The following DLG2 variants were observed in gnomAD, a reference collection of about 807,000 sequenced individuals.
DLG2 encodes the protein disks large homolog 2.
Under a neutral mutation model 132.5 loss-of-function variants are expected in DLG2, and 45 were observed. The observed-to-expected ratio is 0.34, with a 90% CI of 0.27 to 0.44. The LOEUF (loss-of-function observed/expected upper bound fraction) is 0.44. DLG2 is among the 20% of genes least tolerant of loss of function. The pLI is 1.00. For missense variants in DLG2, 1,045 were observed against 1,196.9 expected, an observed-to-expected ratio of 0.87 and a Z score of 1.87; for synonymous variants, 424 against 419.6, an observed-to-expected ratio of 1.01 and a Z score of -0.13.
chr11:83,617,187 A>T lies in DLG2; in HGVS notation c.1940+16024T>A, dbSNP rs149508856. Among the ~76,000 whole-genome samples, 464 of 152,334 alleles carry T rather than the reference A, an allele frequency of 3.0e-3. 7 individuals are homozygous for T. The highest frequency in any genetic ancestry group is 0.011 in the African/African-American group (442 of 41,576). ...CTATCACCATCACCAACAAATAAATAAAAAATATCTTCTGAGATGTTGATA... is the reference window on the plus strand; with the variant it reads ...CTATCACCATCACCAACAAATAAATTAAAAATATCTTCTGAGATGTTGATA... On this transcript the variant is annotated intron_variant, in intron 19 of 27. Coordinates refer to ENST00000376104, the MANE Select transcript of DLG2 (RefSeq NM_001142699.3).
intron 7 of DLG2, among the ~76,000 whole-genome samples, chr11:84,346,916 A>G (rs2098541864): frequency 6.6e-6 from 1 of 152,082 alleles, no homozygotes; most frequent in Non-Finnish European, 1.5e-5. Flanking sequence ...AGTATGTTGC[A>G]TTATGAAATG....
intron 19 of DLG2, among the ~76,000 whole-genome samples, chr11:83,611,764 G>A (rs1483392997): frequency 2.0e-5 from 3 of 152,212 alleles, no homozygotes; most frequent in African/African-American, 7.2e-5. Context: ...AGCAGTAAGG[G>A]ACTGATACTG....
intron 6 of DLG2, among the ~76,000 whole-genome samples, chr11:84,910,231 A>C (rs2091931111): frequency 6.6e-6 from 1 of 152,204 alleles, no homozygotes; most frequent in African/African-American, 2.4e-5. Flanking sequence ...TCATTTCTGC[A>C]AAACTATCTT....
chr11:84,542,437 G>C (rs774358581), intron 6 of DLG2, among the ~76,000 whole-genome samples: 2 of 152,146 alleles, frequency 1.3e-5, no homozygotes, highest in Non-Finnish European at 2.9e-5. Context: ...TCTGTGTCAA[G>C]TTTTATCTGT....
intron 3 of DLG2, among the ~76,000 whole-genome samples, chr11:85,386,914 G>A (rs3018571): frequency 2.1e-5 from 3 of 141,526 alleles, no homozygotes; most frequent in African/African-American, 7.8e-5. Context: ...TTTTTTTTTA[G>A]ATGGAGTTTT....
At chr11:84,824,967 T>C (rs1313411327) in intron 6 of DLG2, among the ~76,000 whole-genome samples, 1 of 151,926 alleles carries the variant, frequency 6.6e-6, no homozygotes, top group Non-Finnish European at 1.5e-5. Context: ...TTGTGGGCTC[T>C]TGACATTTGG....
At chr11:85,208,091 T>C (rs1473606895) in intron 4 of DLG2, among the ~76,000 whole-genome samples, 1 of 152,086 alleles carries the variant, frequency 6.6e-6, no homozygotes, top group Non-Finnish European at 1.5e-5. Context: ...TTATAGAACT[T>C]ACCCAGTTTT....
chr11:83,882,969 G>A (rs1038737317), intron 15 of DLG2, among the ~76,000 whole-genome samples: 1 of 152,122 alleles, frequency 6.6e-6, no homozygotes, highest in Non-Finnish European at 1.5e-5. Context: ...TCTCCATCCT[G>A]TGCCACTGCG....
intron 8 of DLG2, among the ~76,000 whole-genome samples, chr11:84,197,149 G>A (rs1298931199): frequency 6.6e-6 from 1 of 151,224 alleles, no homozygotes; most frequent in South Asian, 2.1e-4. Context: ...CATATGTTGA[G>A]TATTTTTATA....
rs536702363 is a variant in DLG2, at chr11:83,653,891, A to AT, written c.1826-20567dup. On this transcript the variant is annotated intron_variant, in intron 18 of 27. Transcript: ENST00000376104. ...GCATGCACCACCACACCTAGCTAAT[A>AT]TTTTTTTTAGTAGAGATGGGGTTTC... Among the ~76,000 whole-genome samples the AT allele has an allele frequency of 1.0e-3, 155 of 151,524 alleles. 1 individual carries two copies. Among genetic ancestry groups the AT allele is most frequent in the South Asian group, 8.3e-3 (40 of 4,794 alleles).
intron 6 of DLG2, among the ~76,000 whole-genome samples, chr11:84,754,793 G>A (rs1414176873): frequency 6.6e-6 from 1 of 152,144 alleles, no homozygotes; most frequent in Non-Finnish European, 1.5e-5. Context: ...GGACTTAGGT[G>A]ATTATGATGT....
chr11:83,892,758 A>G (rs1173663214), intron 15 of DLG2, among the ~76,000 whole-genome samples: 2 of 151,984 alleles, frequency 1.3e-5, no homozygotes, highest in East Asian at 3.8e-4. Context: ...TTAAGTTAAT[A>G]GAAGATTCAG....
At chr11:84,172,061 G>A (rs2095837197) in intron 8 of DLG2, among the ~76,000 whole-genome samples, 2 of 152,148 alleles carry the variant, frequency 1.3e-5, no homozygotes, top group African/African-American at 2.4e-5. Context: ...CTTACAAGCT[G>A]TTAGAATTCA....
At chr11:83,488,979 C>G (rs1239092972) in intron 21 of DLG2, among the ~76,000 whole-genome samples, 2 of 151,904 alleles carry the variant, frequency 1.3e-5, no homozygotes, top group Non-Finnish European at 2.9e-5. Flanking sequence ...AGAAATGTGT[C>G]TATGTGAATG....
chr11:84,761,975 C>T (rs534676928), intron 6 of DLG2: 1 of 152,068 alleles, frequency 6.6e-6, no homozygotes, highest in South Asian at 2.1e-4. Flanking sequence ...TTCTGAGGGC[C>T]CATCCTATTC....
intron 7 of DLG2, among the ~76,000 whole-genome samples, chr11:84,502,383 TTTCTTTCTTTCTTTCTTTCTTTC>T (rs2099221073): frequency 1.0e-5 from 1 of 96,792 alleles, no homozygotes; most frequent in Non-Finnish European, 2.0e-5. Context: ...TCTTTCTTTC[TTTCTTTCTTTCTTTCTTTCTTTC>T]TTTCTTTCTA....
At chr11:85,589,629 G>A (rs1351561161) in intron 3 of DLG2, among the ~76,000 whole-genome samples, 1 of 152,108 alleles carries the variant, frequency 6.6e-6, no homozygotes. Context: ...GTGAGGGAAA[G>A]CCAGTAGCGA....
chr11:84,583,109 AAATACTCAC>A (rs2099520562), intron 6 of DLG2, among the ~76,000 whole-genome samples: 1 of 152,192 alleles, frequency 6.6e-6, no homozygotes, highest in Admixed American at 6.5e-5. Context: ...TTCATCATTG[AAATACTCAC>A]AATGGTGGCA....
At chr11:85,084,702 T>C (rs1224645315) in intron 6 of DLG2, among the ~76,000 whole-genome samples, 1 of 152,114 alleles carries the variant, frequency 6.6e-6, no homozygotes, top group African/African-American at 2.4e-5. Context: ...TCTCCTCCCA[T>C]TATCCTTCAA....
Sources: gnomAD v4.1 joint callset for allele counts (sites outside exome capture counted in the v4.1 genomes callset) on GRCh38, gnomAD v4.1.1 for gene constraint, MANE v1.5 for transcripts, NCBI Gene and HGNC (gene_info 2026-07-23, HGNC 2026-07-21) for gene names.